The following ZNF483 variants were observed in gnomAD, a reference collection of about 807,000 sequenced individuals.
The protein encoded by ZNF483 is zinc finger protein 483.
A neutral mutation model predicts 28.6 loss-of-function variants in ZNF483; 9 were observed. The ratio of observed to expected loss-of-function variants is 0.32; its 90% confidence interval spans 0.19 to 0.55. The LOEUF is 0.55. ZNF483 is among the 20% of genes least tolerant of loss of function. The probability of loss-of-function intolerance (pLI) is 0.93; values close to 1 mark genes in which losing one functional copy is unlikely to be tolerated. For missense variants in ZNF483, 675 were observed against 871.7 expected (o/e 0.77, Z 2.84); for synonymous variants, 322 against 306.2 (o/e 1.05, Z -0.54).
At position 111,545,652 on chromosome 9, in the gene ZNF483, A is replaced by G. The variant is rs570307683; in HGVS notation, c.*2482A>G. Among the ~76,000 whole-genome samples the G allele has an allele frequency of 6.6e-6, 1 of 152,116 alleles. No homozygotes were observed. The highest frequency in any genetic ancestry group is 1.5e-5 in the Non-Finnish European group (1 of 67,972). On this transcript the variant is annotated 3_prime_UTR_variant, in exon 6 of 6. Transcript: ENST00000309235. ...AGAGTTGTCTTTTTCTGTACATTTT[A>G]TGTTATATGTGATCTTTCTGTGTTT...
chr9:111,540,167 TAGC>T (rs1052886788), intron 5 of ZNF483, among the ~76,000 whole-genome samples: 5 of 152,124 alleles, frequency 3.3e-5, no homozygotes, highest in African/African-American at 1.2e-4. Context: ...AAAGAAAAAT[TAGC>T]AGTAAAATGG....
At chr9:111,560,636 C>CAAAA (rs1015199330) in intron 5 of ZNF483, among the ~76,000 whole-genome samples, 15 of 26,284 alleles carry the variant, frequency 5.7e-4, no homozygotes, top group East Asian at 1.2e-3. Context: ...GACACCATCT[C>CAAAA]AAAAAAAAAA....
chr9:111,526,301 A>G (rs1476719310), intron 1 of ZNF483, among the ~76,000 whole-genome samples: 2 of 152,228 alleles, frequency 1.3e-5, no homozygotes, highest in Non-Finnish European at 2.9e-5. Flanking sequence ...TGTAGTGTCA[A>G]TCGGGTAGCT....
At position 111,541,853 on chromosome 9, in the gene ZNF483, C is replaced by G. The variant is rs758745565; in HGVS notation, c.918C>G (p.Pro306=). The change falls in exon 6 of 6, where the codon CCC becomes CCG. Residue 306 remains proline, a synonymous_variant. Coordinates refer to ENST00000309235, the MANE Select transcript of ZNF483 (RefSeq NM_133464.5). ...RGKKFDPDKS[P]FGHNFKETSD... Reference sequence around the variant, plus strand: ...AGAAATTTGACCCAGATAAAAGCCCCTTTGGACATAATTTCAAAGAAACTT... The same window carrying G: ...AGAAATTTGACCCAGATAAAAGCCCGTTTGGACATAATTTCAAAGAAACTT... The G allele has an allele frequency of 5.6e-6, 9 of 1,613,814 alleles. No homozygotes were observed. The highest frequency in any genetic ancestry group is 7.6e-6 in the Non-Finnish European group (9 of 1,179,986).
rs187629932 is a variant in ZNF483 at position 111,533,044 on chromosome 9, C to T, written c.502-695C>T. ...AATATGATGGAAGATAATTGCTGCT[C>T]GTAATTGGAAGTTAAAATTTGGAAT... On this transcript the variant is annotated intron_variant, in intron 3 of 5. Coordinates refer to ENST00000309235, the MANE Select transcript of ZNF483 (RefSeq NM_133464.5). Among the ~76,000 whole-genome samples, 326 of 152,156 alleles carry T rather than the reference C, an allele frequency of 2.1e-3. 1 individual carries two copies. Among genetic ancestry groups the T allele is most frequent in the African/African-American group, 6.1e-3 (252 of 41,500 alleles).
At chr9:111,566,059 C>T (rs909088613) in intron 5 of ZNF483, among the ~76,000 whole-genome samples, 4 of 151,932 alleles carry the variant, frequency 2.6e-5, no homozygotes, top group Admixed American at 2.0e-4. Context: ...TAAAAATAGC[C>T]GAGAATGGTG....
Position 111,533,803 on chromosome 9 carries a change from CT to C in ZNF483, c.570del (p.Gln191LysfsTer16). ...AGAGGAGAGTGGAAGAAGCTGGAGCCTTTTCAAAAGGAGCTATATAAGGAAG... is the reference window on the plus strand; with the variant it reads ...AGAGGAGAGTGGAAGAAGCTGGAGCCTTTCAAAAGGAGCTATATAAGGAAG... ...FSRGEWKKLE[P>X]FQKELYKEVL... is the part of the protein sequence containing the mutation. On this transcript the variant is annotated frameshift_variant, in exon 4 of 6. Transcript: ENST00000309235. LOFTEE classifies it high-confidence loss of function. 1 of 1,590,926 alleles carries C rather than the reference CT, an allele frequency of 6.3e-7. No individual in the cohort carries two copies. Among genetic ancestry groups the C allele is most frequent in the Admixed American group, 1.9e-5 (1 of 52,868 alleles).
At chr9:111,577,186 CA>C (rs1829096526) in exon 6 of ZNF483, 2 of 152,062 alleles carry the variant, frequency 1.3e-5, no homozygotes, top group Admixed American at 1.3e-4. Context: ...ATACAAATGG[CA>C]AATACATACG....
chr9:111,534,033 A>T (rs1215335284), intron 4 of ZNF483, among the ~76,000 whole-genome samples, 168 bp downstream of exon 4: 1 of 152,192 alleles, frequency 6.6e-6, no homozygotes, highest in Non-Finnish European at 1.5e-5. Context: ...TCTGCAGCGT[A>T]TCTTCTAGAA....
At position 111,553,900 on chromosome 9, in the gene ZNF483, G is replaced by T. The variant is rs1427622625; in HGVS notation, c.*10730G>T. Among the ~76,000 whole-genome samples the T allele has an allele frequency of 2.0e-5, 3 of 152,172 alleles. No homozygotes were observed. Among genetic ancestry groups the T allele is most frequent in the Non-Finnish European group, 4.4e-5 (3 of 68,032 alleles). On this transcript the variant is annotated 3_prime_UTR_variant, in exon 6 of 6. Coordinates refer to ENST00000309235, the MANE Select transcript of ZNF483 (RefSeq NM_133464.5). Reference sequence around the variant, plus strand: ...CTGAATGAAAGTTTATTCCCCAGGGGTCTTTCCAGCATTTTGTTGCTTTCC... The same window carrying T: ...CTGAATGAAAGTTTATTCCCCAGGGTTCTTTCCAGCATTTTGTTGCTTTCC...
At chr9:111,561,009 A>AG (rs1179360853) in intron 5 of ZNF483, among the ~76,000 whole-genome samples, 1 of 82,996 alleles carries the variant, frequency 1.2e-5, no homozygotes, top group Non-Finnish European at 2.3e-5. Flanking sequence ...AGAGAGAGAG[A>AG]GAGAGAGAGG....
chr9:111,527,188 G>T, intron 1 of ZNF483, 80 bp from the exon 2 acceptor site: 1 of 484,864 alleles, frequency 2.1e-6, no homozygotes, highest in Non-Finnish European at 3.6e-6. Context: ...ATATTTCTCT[G>T]AACCAAACCA....
At chr9:111,536,417 C>T (rs1827503767) in intron 5 of ZNF483, among the ~76,000 whole-genome samples, 2 of 151,820 alleles carry the variant, frequency 1.3e-5, no homozygotes, top group African/African-American at 4.8e-5. Context: ...CCCAGCTACT[C>T]TGGAGGCTGA....
intron 5 of ZNF483, chr9:111,574,762 T>A (rs528897016): frequency 1.2e-6 from 2 of 1,613,992 alleles, no homozygotes; most frequent in South Asian, 2.2e-5. Context: ...TTCTGTTATA[T>A]GTAGAGATGG....
chr9:111,533,957 G>C, intron 4 of ZNF483, 92 bp downstream of exon 4: 1 of 1,494,752 alleles, frequency 6.7e-7, no homozygotes, highest in Non-Finnish European at 9.0e-7. Flanking sequence ...TGAAGTACTT[G>C]GTTTTGGCTG....
intron 5 of ZNF483, among the ~76,000 whole-genome samples, chr9:111,568,032 G>T (rs1025545079): frequency 6.6e-6 from 1 of 152,166 alleles, no homozygotes; most frequent in Non-Finnish European, 1.5e-5. Flanking sequence ...TGTACAAATT[G>T]ATTGTAAAAC....
Position 111,544,351 on chromosome 9 carries a change from T to G in ZNF483, c.*1181T>G. On this transcript the variant is annotated 3_prime_UTR_variant, in exon 6 of 6. Transcript: ENST00000309235. The stretch of plus-strand genomic sequence containing the variant: ...CAATTTGCTTGGGTGTGTGTGCATG[T>G]GTGTGTGTGTGTGTGTGTGTGTATA... 1.1e-6 allele frequency: 1 copy of G among 870,262 alleles called. No individual in the cohort carries two copies. Among genetic ancestry groups the G allele is most frequent in the Non-Finnish European group, 1.3e-6 (1 of 747,470 alleles). 53.9% of individuals were successfully genotyped at this position (870,262 alleles called of 1,614,324 possible).
chr9:111,552,087 G>GT lies in ZNF483; in HGVS notation c.*8919dup, dbSNP rs1827980849. ...ATTTTAGGAGCTTCAAATTTAGCTT[G>GT]TTCATATGCAGCGTGATATTAGGGA... is the stretch of plus-strand genomic sequence containing the variant. On this transcript the variant is annotated 3_prime_UTR_variant, in exon 6 of 6. Transcript: ENST00000309235. 6.6e-6 allele frequency among the ~76,000 whole-genome samples: 1 copy of GT among 151,440 alleles called. No homozygotes were observed. The highest frequency in any genetic ancestry group is 6.6e-5 in the Admixed American group (1 of 15,248).
intron 3 of ZNF483, among the ~76,000 whole-genome samples, chr9:111,532,867 C>G (rs760734867): frequency 6.6e-6 from 1 of 151,516 alleles, no homozygotes; most frequent in South Asian, 2.1e-4. Context: ...CGAGATCATG[C>G]CACTGCACTC....
Sources: gnomAD v4.1 joint callset for allele counts (sites outside exome capture counted in the v4.1 genomes callset) on GRCh38, gnomAD v4.1.1 for gene constraint, MANE v1.5 for transcripts, NCBI Gene and HGNC (gene_info 2026-07-23, HGNC 2026-07-21) for gene names.